The following FLRT2 variants were observed in gnomAD, a reference collection of about 807,000 sequenced individuals.
The protein encoded by FLRT2 is leucine-rich repeat transmembrane protein FLRT2.
FLRT2 carries 15 observed loss-of-function variants against 40.0 expected under a neutral mutation model. The observed-to-expected ratio is 0.38, with a 90% CI of 0.25 to 0.58. The LOEUF (loss-of-function observed/expected upper bound fraction) is 0.58, where lower values mean the gene tolerates loss of function less well. FLRT2 is among the 20% of genes least tolerant of loss of function. FLRT2 has a pLI of 0.71. For synonymous variants in FLRT2, 380 were observed against 336.8 expected (o/e 1.13, Z -1.41); for missense variants, 726 against 840.0 (o/e 0.86, Z 1.68).
intron 1 of FLRT2, among the ~76,000 whole-genome samples, chr14:85,596,460 A>T (rs7143585): frequency 0.17 from 25,280 of 152,200 alleles, 2,644 homozygotes; most frequent in East Asian, 0.53. Flanking sequence ...ATCATGGACC[A>T]AAACAGAGAT....
rs1005756587 is a variant in FLRT2, at chr14:85,635,855, C to T, written c.*12358C>T. ...AAATGTTTAGTCTTTAAAGCGGTTA[C>T]CTAAGAATATCTGCCAGTGAACACT... On this transcript the variant is annotated 3_prime_UTR_variant, in exon 2 of 2. Coordinates refer to ENST00000330753, the MANE Select transcript of FLRT2 (RefSeq NM_013231.6). 3.9e-5 allele frequency: 6 copies of T among 152,074 alleles called. No individual in the cohort carries two copies. The highest frequency in any genetic ancestry group is 2.6e-4 in the Admixed American group (4 of 15,266). The allele number at this position is 152,074 out of a possible 1,614,324, so 9.4% of individuals were successfully genotyped here. A position where few individuals can be genotyped will look rare whatever the true frequency, so the allele number is the denominator to read the frequency against.
At position 85,627,577 on chromosome 14, in the gene FLRT2, TACACACACACAC is replaced by T; in HGVS notation, c.*4092_*4103del. ...TTATTATCAAACATGCACATGCTTG[TACACACACACAC>T]ACACACACACAAACAGGGGCATTTG... is the stretch of plus-strand genomic sequence containing the variant. On this transcript the variant is annotated 3_prime_UTR_variant, in exon 2 of 2. Transcript: ENST00000330753. 1 of 161,884 alleles carries T rather than the reference TACACACACACAC, an allele frequency of 6.2e-6. No individual in the cohort carries two copies. Among genetic ancestry groups the T allele is most frequent in the East Asian group, 2.0e-4 (1 of 5,096 alleles). The allele number at this position is 161,884 out of a possible 1,614,324, so 10.0% of individuals were successfully genotyped here.
intron 1 of FLRT2, among the ~76,000 whole-genome samples, chr14:85,566,774 G>A (rs1486300070): frequency 7.7e-5 from 11 of 143,424 alleles, no homozygotes; most frequent in African/African-American, 7.7e-5. Flanking sequence ...TCTTCAGCAT[G>A]AAAAAAAAAA....
intron 1 of FLRT2, among the ~76,000 whole-genome samples, chr14:85,591,933 T>C (rs1302886530): frequency 2.0e-5 from 3 of 152,216 alleles, no homozygotes; most frequent in South Asian, 4.1e-4. Context: ...TATGCTTATA[T>C]AGAATGCTAT....
chr14:85,569,564 G>C (rs1438469471), intron 1 of FLRT2, among the ~76,000 whole-genome samples: 1 of 152,180 alleles, frequency 6.6e-6, no homozygotes, highest in Non-Finnish European at 1.5e-5. Context: ...TTAGGAACCA[G>C]GACACTGGAC....
chr14:85,620,618 CTT>C (rs1183023389), intron 1 of FLRT2, among the ~76,000 whole-genome samples: 2 of 152,092 alleles, frequency 1.3e-5, no homozygotes, highest in Non-Finnish European at 2.9e-5. Context: ...TTTGGAATAA[CTT>C]TTCTGTAAGG....
rs1465433142 is a variant in FLRT2, at chr14:85,632,756, G to T, written c.*9259G>T. 1 of 152,186 alleles carries T rather than the reference G, an allele frequency of 6.6e-6. No homozygotes were observed. Among genetic ancestry groups the T allele is most frequent in the Non-Finnish European group, 1.5e-5 (1 of 68,038 alleles). The allele number at this position is 152,186 out of a possible 1,614,324, so 9.4% of individuals were successfully genotyped here. A position where few individuals can be genotyped will look rare whatever the true frequency, so the allele number is the denominator to read the frequency against. Reference sequence around the variant, plus strand: ...GAATAGTCTTTCCTAGAAATGATATGCTTGTAAAGAAGGGAGTGGAGAGTG... The same window carrying T: ...GAATAGTCTTTCCTAGAAATGATATTCTTGTAAAGAAGGGAGTGGAGAGTG... On this transcript the variant is annotated 3_prime_UTR_variant, in exon 2 of 2. Coordinates refer to ENST00000330753, the MANE Select transcript of FLRT2 (RefSeq NM_013231.6).
chr14:85,545,444 A>T (rs990545447), intron 1 of FLRT2, among the ~76,000 whole-genome samples: 4 of 152,192 alleles, frequency 2.6e-5, no homozygotes, highest in African/African-American at 9.6e-5. Flanking sequence ...GACACTGGAT[A>T]ATTTCCAAAA....
chr14:85,609,860 G>A (rs1386544329), intron 1 of FLRT2, among the ~76,000 whole-genome samples: 1 of 152,180 alleles, frequency 6.6e-6, no homozygotes, highest in Non-Finnish European at 1.5e-5. Context: ...GTCACTAAAA[G>A]CCACTTTTTC....
chr14:85,553,586 T>C lies in FLRT2; in HGVS notation c.-377+23052T>C, dbSNP rs543449281. On this transcript the variant is annotated intron_variant, in intron 1 of 1. Transcript: ENST00000330753. ...GGGTTATTTCTTTTGTTGAATCCTG[T>C]GGGGACTACGGACATTAGATTCACA... is the stretch of plus-strand genomic sequence containing the variant. Among the ~76,000 whole-genome samples the C allele has an allele frequency of 2.6e-5, 4 of 152,292 alleles. No individual in the cohort carries two copies. In the South Asian group the frequency reaches 8.3e-4, roughly 32 times the overall value.
Position 85,622,486 on chromosome 14 carries a change from G to T in FLRT2, c.972G>T (p.Trp324Cys). Residue 324 changes from tryptophan to cysteine, a missense_variant, in exon 2 of 2, where the codon TGG becomes TGT. Physicochemically the swap from Trp to Cys is radical, Grantham distance 215. This residue lies in a region of FLRT2 where 611 missense variants were observed against 690.0 expected (regional missense o/e 0.89). Transcript: ENST00000330753. ...GCAGTATTAAATGGGTCACAGAATGGCTCAAATATATCCCTTCATCTCTCA... is the reference window on the plus strand; with the variant it reads ...GCAGTATTAAATGGGTCACAGAATGTCTCAAATATATCCCTTCATCTCTCA... ...CDCSIKWVTE[W>C]LKYIPSSLNV... 1 of 1,614,112 alleles carries T rather than the reference G, an allele frequency of 6.2e-7. No individual in the cohort carries two copies. Among genetic ancestry groups the T allele is most frequent in the Non-Finnish European group, 8.5e-7 (1 of 1,180,032 alleles).
At chr14:85,607,976 G>A (rs1321056226) in intron 1 of FLRT2, among the ~76,000 whole-genome samples, 2 of 151,524 alleles carry the variant, frequency 1.3e-5, no homozygotes, top group African/African-American at 2.4e-5. Context: ...CTTCTCTTGG[G>A]TCCTCACATG....
At chr14:85,596,702 C>T (rs527798043) in intron 1 of FLRT2, among the ~76,000 whole-genome samples, 2 of 152,052 alleles carry the variant, frequency 1.3e-5, no homozygotes, top group African/African-American at 4.8e-5. Flanking sequence ...CATGATGGTA[C>T]CTGGGAGAAT....
At chr14:85,554,523 T>C (rs1384087183) in intron 1 of FLRT2, among the ~76,000 whole-genome samples, 1 of 152,226 alleles carries the variant, frequency 6.6e-6, no homozygotes, top group Non-Finnish European at 1.5e-5. Context: ...TTGAATCCTC[T>C]AGTCTTTTCC....
Position 85,649,250 on chromosome 14 carries a change from T to C in FLRT2, c.*25753T>C, listed in dbSNP as rs1894377928. The C allele has an allele frequency of 6.6e-6, 1 of 152,226 alleles. No individual in the cohort carries two copies. Among genetic ancestry groups the C allele is most frequent in the South Asian group, 2.1e-4 (1 of 4,830 alleles). 9.4% of individuals were successfully genotyped at this position (152,226 alleles called of 1,614,324 possible). A position where few individuals can be genotyped will look rare whatever the true frequency, so the allele number is the denominator to read the frequency against. On this transcript the variant is annotated 3_prime_UTR_variant, in exon 2 of 2. Transcript: ENST00000330753. ...TATTTATTCCGGTTAACAATTTTAC[T>C]TGAGTAGAAATCACTTGACTCAAAT...
At chr14:85,594,719 C>A (rs563744992) in intron 1 of FLRT2, among the ~76,000 whole-genome samples, 1 of 152,094 alleles carries the variant, frequency 6.6e-6, no homozygotes, top group Non-Finnish European at 1.5e-5. Context: ...CTAAAGTTTA[C>A]TTAATGGAGT....
At chr14:85,544,296 A>G (rs1156248500) in intron 1 of FLRT2, among the ~76,000 whole-genome samples, 3 of 152,198 alleles carry the variant, frequency 2.0e-5, no homozygotes, top group Non-Finnish European at 4.4e-5. Context: ...TTAAAGAATA[A>G]TAATTTCGCT....
intron 1 of FLRT2, among the ~76,000 whole-genome samples, chr14:85,533,016 C>A (rs1465906180): frequency 6.6e-6 from 1 of 152,176 alleles, no homozygotes; most frequent in Non-Finnish European, 1.5e-5. Context: ...GTTAGCCAGG[C>A]GCTCTTCAAC....
At position 85,637,518 on chromosome 14, in the gene FLRT2, C is replaced by T. The variant is rs1409095151; in HGVS notation, c.*14021C>T. The T allele has an allele frequency of 1.3e-5, 2 of 152,140 alleles. No homozygotes were observed. The highest frequency in any genetic ancestry group is 2.9e-5 in the Non-Finnish European group (2 of 68,036). The allele number at this position is 152,140 out of a possible 1,614,324, so 9.4% of individuals were successfully genotyped here. On this transcript the variant is annotated 3_prime_UTR_variant, in exon 2 of 2. Coordinates refer to ENST00000330753, the MANE Select transcript of FLRT2 (RefSeq NM_013231.6). ...ATACAGTTGCTTTGTTACATTAACT[C>T]CATTCAATATTCTTTCTTTCCACAA... is the stretch of plus-strand genomic sequence containing the variant.
Sources: allele counts gnomAD v4.1 joint callset (sites outside exome capture counted in the v4.1 genomes callset), GRCh38; gene constraint gnomAD v4.1.1; regional missense constraint gnomAD v4.1.1; transcripts MANE v1.5; gene names NCBI Gene and HGNC (gene_info 2026-07-23, HGNC 2026-07-21).